The following BNC2 variants were observed in gnomAD, a reference collection of about 807,000 sequenced individuals.
The protein encoded by BNC2 is zinc finger protein basonuclin-2.
Under a neutral mutation model 76.3 loss-of-function variants are expected in BNC2, and 20 were observed. That is an observed-to-expected ratio of 0.26 (90% CI 0.18 to 0.38). The LOEUF is 0.38. Among genes scored for constraint, BNC2 ranks in the 10% least tolerant of loss-of-function variants. The pLI, the probability that BNC2 is intolerant of heterozygous loss-of-function variation, is 1.00. For synonymous variants in BNC2, 582 were observed against 514.8 expected (o/e 1.13, Z -1.77); for missense variants, 1,382 against 1,399.8 (o/e 0.99, Z 0.20).
chr9:16,673,039 G>C (rs1463927617), intron 3 of BNC2, among the ~76,000 whole-genome samples: 1 of 152,048 alleles, frequency 6.6e-6, no homozygotes, highest in Non-Finnish European at 1.5e-5. Flanking sequence ...TTAGTTTTGG[G>C]GGGGTTTTTT....
intron 5 of BNC2, among the ~76,000 whole-genome samples, chr9:16,497,152 T>C (rs1170800633): frequency 1.3e-5 from 2 of 152,246 alleles, no homozygotes; most frequent in African/African-American, 2.4e-5. Flanking sequence ...GGTAGCCTTT[T>C]TGGAGCTCTA....
At chr9:16,533,494 T>C (rs1173481532) in intron 5 of BNC2, among the ~76,000 whole-genome samples, 1 of 152,202 alleles carries the variant, frequency 6.6e-6, no homozygotes, top group African/African-American at 2.4e-5. Flanking sequence ...AGACAGCTTA[T>C]AGATATTAAA....
chr9:16,488,330 A>G (rs373747437), intron 5 of BNC2, among the ~76,000 whole-genome samples: 47 of 152,348 alleles, frequency 3.1e-4, no homozygotes, highest in African/African-American at 1.0e-3. Flanking sequence ...AGACCTCTTT[A>G]AGTAATCAGA....
intron 3 of BNC2, among the ~76,000 whole-genome samples, chr9:16,640,684 T>C (rs1003070): frequency 0.42 from 64,416 of 151,960 alleles, 13,925 homozygotes; most frequent in East Asian, 0.55. Context: ...GCATGTATTT[T>C]AAGAGTGTTT....
chr9:16,654,237 C>G (rs934292043), intron 3 of BNC2, among the ~76,000 whole-genome samples: 2 of 152,186 alleles, frequency 1.3e-5, no homozygotes, highest in Non-Finnish European at 2.9e-5. Flanking sequence ...CTCCTCCCAT[C>G]TTTCCTCTGC....
At chr9:16,763,847 C>A (rs1319533802) in intron 1 of BNC2, among the ~76,000 whole-genome samples, 1 of 152,178 alleles carries the variant, frequency 6.6e-6, no homozygotes, top group African/African-American at 2.4e-5. Context: ...GCAACATCAT[C>A]TTTAACCAAC....
At position 16,555,845 on chromosome 9, in the gene BNC2, G is replaced by A. The variant is rs1355565094; in HGVS notation, c.434-3080C>T. ...AACTGTTATAAACCACATAAATATAGAGCAAAGGTCAACAACTTATTCTAT... is the reference window on the plus strand; with the variant it reads ...AACTGTTATAAACCACATAAATATAAAGCAAAGGTCAACAACTTATTCTAT... On this transcript the variant is annotated intron_variant, in intron 4 of 6. Coordinates refer to ENST00000380672, the MANE Select transcript of BNC2 (RefSeq NM_017637.6). 2.0e-5 allele frequency among the ~76,000 whole-genome samples: 3 copies of A among 151,956 alleles called. No homozygotes were observed. In the East Asian group the frequency reaches 5.8e-4, roughly 29 times the overall value.
At chr9:16,609,022 T>G (rs935701218) in intron 3 of BNC2, among the ~76,000 whole-genome samples, 8 of 152,218 alleles carry the variant, frequency 5.3e-5, no homozygotes, top group Non-Finnish European at 1.0e-4. Flanking sequence ...TTTCTGTGTT[T>G]CTTTAGCACC....
chr9:16,692,578 A>C (rs557516632), intron 3 of BNC2, among the ~76,000 whole-genome samples: 6 of 152,334 alleles, frequency 3.9e-5, no homozygotes, highest in Non-Finnish European at 7.3e-5. Flanking sequence ...CCACAAAAGC[A>C]GCACCACAGC....
At chr9:16,609,621 A>G (rs569855895) in intron 3 of BNC2, among the ~76,000 whole-genome samples, 1 of 152,302 alleles carries the variant, frequency 6.6e-6, no homozygotes, top group African/African-American at 2.4e-5. Flanking sequence ...GATGGCTACA[A>G]ACTATTCAGG....
At chr9:16,728,132 T>C in intron 2 of BNC2, 135 bp from the exon 3 acceptor site, 1 of 775,628 alleles carries the variant, frequency 1.3e-6, no homozygotes, top group Non-Finnish European at 2.3e-6. Context: ...TCAGAGCTTC[T>C]TTCGCACCTT....
At chr9:16,798,597 G>C (rs996330846) in intron 1 of BNC2, among the ~76,000 whole-genome samples, 2 of 152,054 alleles carry the variant, frequency 1.3e-5, no homozygotes, top group Non-Finnish European at 2.9e-5. Flanking sequence ...TGATTTAAAG[G>C]AGTTCCTCCA....
chr9:16,674,884 T>C (rs1428419501), intron 3 of BNC2, among the ~76,000 whole-genome samples: 2 of 152,222 alleles, frequency 1.3e-5, no homozygotes, highest in Non-Finnish European at 2.9e-5. Context: ...CACTGTTCAG[T>C]TGTCTATAAT....
At position 16,818,968 on chromosome 9, in the gene BNC2, G is replaced by A. The variant is rs182686427; in HGVS notation, c.3+51678C>T. ...TATACTCTGGCTTCACTGGACCTCA[G>A]AACCTTGGCAATAAAAAAAAGTCCC... On this transcript the variant is annotated intron_variant, in intron 1 of 6. Coordinates refer to ENST00000380672, the MANE Select transcript of BNC2 (RefSeq NM_017637.6). Among the ~76,000 whole-genome samples, 11 of 152,130 alleles carry A rather than the reference G, an allele frequency of 7.2e-5. No homozygotes were observed. In the East Asian group the frequency reaches 2.1e-3, roughly 29 times the overall value.
At chr9:16,447,796 A>G (rs1254599053) in intron 5 of BNC2, among the ~76,000 whole-genome samples, 1 of 152,084 alleles carries the variant, frequency 6.6e-6, no homozygotes, top group Admixed American at 6.6e-5. Flanking sequence ...GTACAAAATA[A>G]ATGTTATATA....
intron 6 of BNC2, among the ~76,000 whole-genome samples, chr9:16,424,347 T>C (rs370097047): frequency 6.6e-6 from 1 of 151,678 alleles, no homozygotes; most frequent in African/African-American, 2.4e-5. Context: ...AACCAAGCTA[T>C]AGGTTGCATG....
intron 3 of BNC2, among the ~76,000 whole-genome samples, chr9:16,671,940 C>T (rs1295766350): frequency 1.3e-5 from 2 of 152,180 alleles, no homozygotes; most frequent in African/African-American, 4.8e-5. Flanking sequence ...CCTGTACATA[C>T]ATTGTAAGGT....
intron 3 of BNC2, among the ~76,000 whole-genome samples, chr9:16,615,548 G>A (rs912227742): frequency 6.6e-6 from 1 of 152,156 alleles, no homozygotes; most frequent in African/African-American, 2.4e-5. Context: ...GCCTTGCTAC[G>A]TTTCCTTCGG....
At chr9:16,607,316 C>A (rs922813900) in intron 3 of BNC2, among the ~76,000 whole-genome samples, 1 of 151,882 alleles carries the variant, frequency 6.6e-6, no homozygotes, top group Non-Finnish European at 1.5e-5. Context: ...AAACAGACAA[C>A]AAGGAGAGAC....
Sources: allele counts gnomAD v4.1 joint callset (sites outside exome capture counted in the v4.1 genomes callset), GRCh38; gene constraint gnomAD v4.1.1; transcripts MANE v1.5; gene names NCBI Gene and HGNC (gene_info 2026-07-23, HGNC 2026-07-21).